Variants in TDRD3 observed in about 807,000 individuals in gnomAD.
TDRD3 encodes the protein tudor domain-containing protein 3.
TDRD3 carries 45 observed loss-of-function variants against 86.7 expected under a neutral mutation model. That is an observed-to-expected ratio of 0.52 (90% CI 0.41 to 0.67). TDRD3 has a LOEUF of 0.67. Among genes scored for constraint, TDRD3 ranks in the 30% least tolerant of loss-of-function variants. The pLI is 0.00. For missense variants in TDRD3, 814 were observed against 889.0 expected, an observed-to-expected ratio of 0.92 and a Z score of 1.07; for synonymous variants, 298 against 301.7, an observed-to-expected ratio of 0.99 and a Z score of 0.13.
At position 60,509,953 on chromosome 13, in the gene TDRD3, T is replaced by C. The variant is rs754099788; in HGVS notation, c.1015+34T>C. On this transcript the variant is annotated intron_variant, in intron 9 of 13. Coordinates refer to ENST00000377881, the MANE Select transcript of TDRD3 (RefSeq NM_001146070.2). ...TATTAAGCAGTGTGCCAGATAGTAT[T>C]GTTTGCTTTTCAGAGTAATATATGT... 5.6e-6 allele frequency: 9 copies of C among 1,598,986 alleles called. No homozygotes were observed. The Admixed American group carries it at 7.0e-5, about 12-fold the overall frequency.
At chr13:60,482,705 TTTAAA>T (rs1040008826) in intron 5 of TDRD3, among the ~76,000 whole-genome samples, 2 of 152,152 alleles carry the variant, frequency 1.3e-5, no homozygotes, top group Admixed American at 1.3e-4. Context: ...TCATATACAC[TTTAAA>T]TTATTCTTTG....
intron 12 of TDRD3, among the ~76,000 whole-genome samples, chr13:60,565,037 G>A (rs1241850904): frequency 8.4e-6 from 1 of 118,450 alleles, no homozygotes; most frequent in Non-Finnish European, 1.6e-5. Flanking sequence ...CAAACTATCA[G>A]TATCTTTTTT....
intron 1 of TDRD3, among the ~76,000 whole-genome samples, chr13:60,409,889 T>C (rs989416432): frequency 3.3e-5 from 5 of 152,164 alleles, no homozygotes; most frequent in African/African-American, 1.2e-4. Context: ...GTTGGAATGA[T>C]GTGGTTTGGC....
intron 1 of TDRD3, among the ~76,000 whole-genome samples, chr13:60,416,208 A>G (rs1954509044): frequency 6.6e-6 from 1 of 152,184 alleles, no homozygotes; most frequent in African/African-American, 2.4e-5. Context: ...GGTTTCTCTA[A>G]GTGTAAAGTG....
intron 8 of TDRD3, among the ~76,000 whole-genome samples, chr13:60,496,655 G>A (rs1444238571): frequency 1.3e-5 from 2 of 152,072 alleles, no homozygotes; most frequent in Non-Finnish European, 1.5e-5. Context: ...CATATGTGGA[G>A]AACCAAGGAA....
At chr13:60,529,720 C>T (rs772762092) in intron 11 of TDRD3, among the ~76,000 whole-genome samples, 124 of 151,864 alleles carry the variant, frequency 8.2e-4, no homozygotes, top group African/African-American at 2.4e-3. Context: ...CATTGCTTCT[C>T]GGCCTTTTGG....
intron 1 of TDRD3, among the ~76,000 whole-genome samples, chr13:60,414,594 C>A (rs748370276): frequency 6.6e-6 from 1 of 152,060 alleles, no homozygotes; most frequent in Non-Finnish European, 1.5e-5. Context: ...AAATAACTTG[C>A]CAAGAAAACC....
chr13:60,466,227 A>G (rs967092776), intron 4 of TDRD3, among the ~76,000 whole-genome samples: 1 of 152,158 alleles, frequency 6.6e-6, no homozygotes, highest in African/African-American at 2.4e-5. Context: ...ATAGATGTTA[A>G]ATTTTTAGGT....
Position 60,528,901 on chromosome 13 carries a change from T to C in TDRD3, c.1676T>C (p.Phe559Ser). 6.2e-7 allele frequency: 1 copy of C among 1,612,842 alleles called. No homozygotes were observed. Among genetic ancestry groups the C allele is most frequent in the Non-Finnish European group, 8.5e-7 (1 of 1,179,616 alleles). The change falls in exon 11 of 14, where the codon TTC (phenylalanine) becomes TCC (serine). Residue 559 changes from phenylalanine (F) to serine (S), a missense_variant. Transcript: ENST00000377881. Reference sequence around the variant, plus strand: ...TCACAAACAATAAATAATGAAGCTTTCAGTGGTATAAAAATTGAAAAACAT... The same window carrying C: ...TCACAAACAATAAATAATGAAGCTTCCAGTGGTATAAAAATTGAAAAACAT... The part of the protein sequence containing the change: ...RKSQTINNEA[F>S]SGIKIEKHFN...
upstream of TDRD3, chr13:60,397,007 CA>C (rs1953928694): frequency 5.4e-6 from 1 of 185,704 alleles, no homozygotes; most frequent in South Asian, 1.9e-4. Flanking sequence ...CGCGACTTTC[CA>C]AGGTGTGCAA....
At chr13:60,521,027 T>C (rs1032601245) in intron 10 of TDRD3, among the ~76,000 whole-genome samples, 12 of 152,244 alleles carry the variant, frequency 7.9e-5, no homozygotes, top group African/African-American at 2.9e-4. Context: ...ACTGCAAAAC[T>C]AGAAAAGCAG....
At chr13:60,508,601 C>G (rs1477985094) in intron 8 of TDRD3, among the ~76,000 whole-genome samples, 1 of 152,094 alleles carries the variant, frequency 6.6e-6, no homozygotes, top group Non-Finnish European at 1.5e-5. Flanking sequence ...TTCCTTACAC[C>G]TTGTACAAAA....
chr13:60,554,149 G>A (rs1410153687), intron 12 of TDRD3, among the ~76,000 whole-genome samples: 1 of 152,176 alleles, frequency 6.6e-6, no homozygotes, highest in African/African-American at 2.4e-5. Flanking sequence ...TGCTGTCAGT[G>A]TACCTGCTGC....
At chr13:60,467,905 A>T (rs780304322) in intron 5 of TDRD3, among the ~76,000 whole-genome samples, 1 of 152,036 alleles carries the variant, frequency 6.6e-6, no homozygotes, top group Middle Eastern at 3.2e-3. Context: ...TTTGCTTCCA[A>T]CAACCATTTC....
At chr13:60,535,386 GCTTACACTGAATGAACTACAA>G in intron 12 of TDRD3, 153 bp downstream of exon 12, 10 of 688,242 alleles carry the variant, frequency 1.5e-5, no homozygotes, top group South Asian at 3.9e-5. Context: ...TTAATTCAAT[GCTTACACTGAATGAACTACAA>G]TAAAAATGAA....
At chr13:60,494,349 C>A in intron 7 of TDRD3, 86 bp from the exon 8 acceptor site, 2 of 1,295,706 alleles carry the variant, frequency 1.5e-6, no homozygotes, top group Admixed American at 2.6e-5. Context: ...TTAATTACTT[C>A]AGTTGTTTTT....
chr13:60,415,872 G>A (rs1270554651), intron 1 of TDRD3, among the ~76,000 whole-genome samples: 1 of 152,056 alleles, frequency 6.6e-6, no homozygotes, highest in Non-Finnish European at 1.5e-5. Flanking sequence ...ACAATTTACG[G>A]AAAAACATTC....
chr13:60,554,967 A>G (rs1055401787), intron 12 of TDRD3, among the ~76,000 whole-genome samples: 12 of 152,190 alleles, frequency 7.9e-5, no homozygotes, highest in Non-Finnish European at 1.3e-4. Flanking sequence ...TAATATATCT[A>G]GTAGTCCTAG....
chr13:60,418,894 G>A (rs867852801), intron 1 of TDRD3, among the ~76,000 whole-genome samples: 1 of 152,258 alleles, frequency 6.6e-6, no homozygotes, highest in South Asian at 2.1e-4. Context: ...TGTATTGGTA[G>A]TTCATTTTTT....
Sources: gnomAD v4.1 joint callset for allele counts (sites outside exome capture counted in the v4.1 genomes callset) on GRCh38, gnomAD v4.1.1 for gene constraint, MANE v1.5 for transcripts, NCBI Gene and HGNC (gene_info 2026-07-23, HGNC 2026-07-21) for gene names.